The following CAST variants were observed in gnomAD, a reference collection of about 807,000 sequenced individuals.
CAST encodes calpastatin, also known as MIR583 host.
In CAST, 76 loss-of-function variants were observed where a neutral mutation model predicts 119.6. That is an observed-to-expected ratio of 0.64 (90% CI 0.53 to 0.77). The LOEUF is 0.77. Among genes scored for constraint, CAST ranks in the 30% least tolerant of loss-of-function variants. The pLI, the probability that CAST is intolerant of heterozygous loss-of-function variation, is 0.00. For missense variants in CAST, 953 were observed against 946.5 expected (o/e 1.01, Z -0.09); for synonymous variants, 319 against 331.6 (o/e 0.96, Z 0.41).
the CAST span, among the ~76,000 whole-genome samples, chr5:96,176,761 G>A: frequency 2.0e-5 from 3 of 151,984 alleles, no homozygotes; most frequent in Admixed American, 2.0e-4. Context: ...ACCCTGTATC[G>A]CATGAGTTCT....
At chr5:96,658,350 T>G (rs1323632026), upstream of CAST, among the ~76,000 whole-genome samples, 1 of 150,228 alleles carries the variant, frequency 6.7e-6, no homozygotes, top group Non-Finnish European at 1.5e-5. Flanking sequence ...AAAAAGGAAA[T>G]GGAAAAATGG....
chr5:96,546,965 A>G (rs528902387), intron 1 of CAST, among the ~76,000 whole-genome samples: 7 of 152,348 alleles, frequency 4.6e-5, no homozygotes, highest in African/African-American at 1.7e-4. Flanking sequence ...ATAGCCCTAA[A>G]GCAAGGCTTT....
the CAST span, among the ~76,000 whole-genome samples, chr5:96,033,126 A>T: frequency 6.6e-6 from 1 of 152,250 alleles, no homozygotes; most frequent in South Asian, 2.1e-4. Flanking sequence ...AGGAGATGAA[A>T]GATCTCTACA....
At chr5:96,143,008 C>G in the CAST span, among the ~76,000 whole-genome samples, 1 of 152,156 alleles carries the variant, frequency 6.6e-6, no homozygotes, top group East Asian at 1.9e-4. Context: ...GCTGACTTAC[C>G]AGATTCTTGG....
chr5:96,494,743 T>C, the CAST span, among the ~76,000 whole-genome samples: 1 of 152,220 alleles, frequency 6.6e-6, no homozygotes, highest in East Asian at 1.9e-4. Flanking sequence ...TTCCCACCAA[T>C]CAGTGGGAAT....
chr5:96,154,290 CAAAAAAAA>C, the CAST span, among the ~76,000 whole-genome samples: 1 of 133,002 alleles, frequency 7.5e-6, no homozygotes, highest in East Asian at 2.1e-4. Context: ...AAAACAACAA[CAAAAAAAA>C]AACAAAAAAA....
the CAST span, among the ~76,000 whole-genome samples, chr5:96,324,716 A>G: frequency 6.6e-6 from 1 of 152,196 alleles, no homozygotes; most frequent in Non-Finnish European, 1.5e-5. Context: ...TCAAGCTTTT[A>G]TATACAAAAA....
At chr5:96,377,646 A>G in the CAST span, among the ~76,000 whole-genome samples, 1 of 152,272 alleles carries the variant, frequency 6.6e-6, no homozygotes, top group African/African-American at 2.4e-5. Flanking sequence ...TAATGTTCAC[A>G]CAATGATGAA....
At chr5:96,308,097 C>T in the CAST span, among the ~76,000 whole-genome samples, 8 of 152,130 alleles carry the variant, frequency 5.3e-5, no homozygotes, top group South Asian at 1.2e-3. Context: ...ACCAATCAAA[C>T]GTAGATTTGA....
At chr5:96,768,416 C>T (rs760834800) in intron 29 of CAST, 68 of 456,312 alleles carry the variant, frequency 1.5e-4, no homozygotes, top group South Asian at 8.9e-4. Flanking sequence ...ATGAATCAAA[C>T]GATGATATAG....
the CAST span, among the ~76,000 whole-genome samples, chr5:96,510,510 T>C: frequency 1.3e-5 from 2 of 152,344 alleles, no homozygotes; most frequent in African/African-American, 4.8e-5. Flanking sequence ...CGATCTTGTT[T>C]TGTTCTTAAG....
chr5:96,121,902 G>T, the CAST span, among the ~76,000 whole-genome samples: 2 of 152,108 alleles, frequency 1.3e-5, no homozygotes, highest in South Asian at 2.1e-4. Context: ...AATGATTGTG[G>T]TATTGTGACA....
chr5:95,963,748 A>C, the CAST span, among the ~76,000 whole-genome samples: 17 of 116,268 alleles, frequency 1.5e-4, no homozygotes, highest in African/African-American at 5.1e-4. Flanking sequence ...TTTTTTTGAT[A>C]GTAAAGGACT....
the CAST span, among the ~76,000 whole-genome samples, chr5:96,098,029 G>A: frequency 6.6e-6 from 1 of 152,126 alleles, no homozygotes; most frequent in Non-Finnish European, 1.5e-5. Flanking sequence ...CATTCTGACT[G>A]GTGTGAGATG....
chr5:96,507,990 C>CATCATT, the CAST span, among the ~76,000 whole-genome samples: 223 of 142,274 alleles, frequency 1.6e-3, no homozygotes, highest in Middle Eastern at 3.6e-3. Context: ...ATATCCCTGA[C>CATCATT]ATTATTATTA....
At chr5:96,225,880 GC>G in the CAST span, among the ~76,000 whole-genome samples, 1 of 152,038 alleles carries the variant, frequency 6.6e-6, no homozygotes, top group African/African-American at 2.4e-5. Context: ...TTTAATTCTT[GC>G]CCCCCGCCTC....
chr5:96,025,355 T>C, the CAST span, among the ~76,000 whole-genome samples: 1 of 152,108 alleles, frequency 6.6e-6, no homozygotes, highest in African/African-American at 2.4e-5. Flanking sequence ...TCATGTCTTT[T>C]CTTATAAAGG....
the CAST span, among the ~76,000 whole-genome samples, chr5:96,334,253 G>A: frequency 6.6e-6 from 1 of 152,178 alleles, no homozygotes; most frequent in East Asian, 1.9e-4. Context: ...CATCCTTGGA[G>A]GATTGCTCAG....
the CAST span, chr5:96,429,428 T>C: frequency 3.0e-6 from 2 of 658,954 alleles, no homozygotes; most frequent in Non-Finnish European, 5.4e-6. Context: ...AGCCCATTCC[T>C]GGTATCTGAA....
Sources: allele counts gnomAD v4.1 joint callset (sites outside exome capture counted in the v4.1 genomes callset), GRCh38; gene constraint gnomAD v4.1.1; transcripts MANE v1.5; gene names NCBI Gene and HGNC (gene_info 2026-07-23, HGNC 2026-07-21).